Variants in NAALADL2 observed in about 807,000 individuals in gnomAD.
NAALADL2 encodes N-acetylated alpha-linked acidic dipeptidase like 2.
NAALADL2 carries 76 observed loss-of-function variants against 87.2 expected under a neutral mutation model. The ratio of observed to expected loss-of-function variants is 0.87; its 90% CI spans 0.72 to 1.05. The LOEUF (loss-of-function observed/expected upper bound fraction) is 1.05, where lower values mean the gene tolerates loss of function less well. NAALADL2 is among the 50% of genes least tolerant of loss of function. The probability of loss-of-function intolerance (pLI) is 0.00; values close to 1 mark genes in which losing one functional copy is unlikely to be tolerated. For missense variants in NAALADL2, 1,089 were observed against 945.8 expected, an observed-to-expected ratio of 1.15 and a Z score of -1.99; for synonymous variants, 354 against 331.0, an observed-to-expected ratio of 1.07 and a Z score of -0.75.
intron 2 of NAALADL2, among the ~76,000 whole-genome samples, chr3:175,174,838 A>G (rs1001042430): frequency 5.6e-4 from 42 of 74,854 alleles, no homozygotes; most frequent in Non-Finnish European, 1.2e-3. Flanking sequence ...ACACACATGC[A>G]CACAGACACA....
chr3:175,774,614 T>C (rs1475293389), intron 13 of NAALADL2, among the ~76,000 whole-genome samples: 1 of 151,944 alleles, frequency 6.6e-6, no homozygotes, highest in African/African-American at 2.4e-5. Flanking sequence ...GGAACTCAAT[T>C]AGCTGTTAGT....
rs552180081 is a variant in NAALADL2 at position 174,564,900 on chromosome 3, T to G, written c.-115+14263T>G. Among the ~76,000 whole-genome samples the G allele has an allele frequency of 8.5e-5, 13 of 152,178 alleles. No individual in the cohort carries two copies. In the South Asian group the frequency reaches 2.7e-3, roughly 31 times the overall value. Reference sequence around the variant, plus strand: ...GTATGTTTTACATTTGTATTGAGTCTCTATAGGTGAATTTTTGGTATTAAA... The same window carrying G: ...GTATGTTTTACATTTGTATTGAGTCGCTATAGGTGAATTTTTGGTATTAAA... On this transcript the variant is annotated intron_variant, in intron 2 of 3. Transcript: ENST00000434257.
At chr3:175,377,206 G>A (rs1767237178) in intron 5 of NAALADL2, among the ~76,000 whole-genome samples, 1 of 152,000 alleles carries the variant, frequency 6.6e-6, no homozygotes, top group African/African-American at 2.4e-5. Flanking sequence ...CAGCTACTTG[G>A]GAGGCTAAGG....
At chr3:174,669,158 C>T (rs932759268) in intron 2 of NAALADL2, among the ~76,000 whole-genome samples, 2 of 152,104 alleles carry the variant, frequency 1.3e-5, no homozygotes, top group Admixed American at 1.3e-4. Context: ...ATTTTCATTT[C>T]TCTGATGGCC....
rs1000321854 is a variant in NAALADL2 at position 174,910,531 on chromosome 3, G to A, written c.43+51081G>A. 4.6e-5 allele frequency among the ~76,000 whole-genome samples: 7 copies of A among 152,130 alleles called. No individual in the cohort carries two copies. In the East Asian group the frequency reaches 1.2e-3, roughly 25 times the overall value. On this transcript the variant is annotated intron_variant, in intron 1 of 13. Coordinates refer to ENST00000454872, the MANE Select transcript of NAALADL2 (RefSeq NM_207015.3). ...AATAGTGAGTTTTATTTAGTGAATG[G>A]TGAGGTAATTTATTTGGTTTTAAAA...
intron 11 of NAALADL2, among the ~76,000 whole-genome samples, chr3:175,633,329 A>G (rs1203003262): frequency 6.6e-6 from 1 of 151,992 alleles, no homozygotes; most frequent in Non-Finnish European, 1.5e-5. Context: ...TATTTATTTT[A>G]TGTTTTTGGA....
intron 2 of NAALADL2, among the ~76,000 whole-genome samples, chr3:174,623,419 C>T (rs1233069169): frequency 5.3e-5 from 8 of 152,016 alleles, no homozygotes; most frequent in African/African-American, 1.5e-4. Flanking sequence ...TAGGAAATTT[C>T]AACTTTTTAT....
chr3:175,262,381 T>C (rs193048179), intron 4 of NAALADL2, among the ~76,000 whole-genome samples: 1 of 152,180 alleles, frequency 6.6e-6, no homozygotes, highest in East Asian at 1.9e-4. Context: ...TTGTTTTATT[T>C]ATTCTAATTA....
chr3:174,532,952 T>C (rs1306553316), intron 1 of NAALADL2, among the ~76,000 whole-genome samples: 1 of 151,790 alleles, frequency 6.6e-6, no homozygotes, highest in East Asian at 2.0e-4. Context: ...TTCTCCTTTT[T>C]GCCTTTGTTA....
intron 1 of NAALADL2, among the ~76,000 whole-genome samples, chr3:174,931,343 G>A (rs1736861631): frequency 6.6e-6 from 1 of 152,088 alleles, no homozygotes; most frequent in African/African-American, 2.4e-5. Context: ...GACCACTTGG[G>A]AACTATGTGA....
chr3:175,098,325 G>A (rs1721505872), intron 2 of NAALADL2, among the ~76,000 whole-genome samples: 1 of 152,150 alleles, frequency 6.6e-6, no homozygotes, highest in African/African-American at 2.4e-5. Context: ...ACCCAGTGAA[G>A]ATGTTGGAAA....
At position 175,791,959 on chromosome 3, in the gene NAALADL2, G is replaced by A. The variant is rs534288554; in HGVS notation, c.2190-11046G>A. 8.0e-5 allele frequency among the ~76,000 whole-genome samples: 12 copies of A among 149,614 alleles called. No homozygotes were observed. The South Asian group carries it at 1.3e-3, about 16-fold the overall frequency. Reference sequence around the variant, plus strand: ...ATTTCTACTATTTACTCACAACTTGGAAATTCTTTTCACAATTAACTTTAA... The same window carrying A: ...ATTTCTACTATTTACTCACAACTTGAAAATTCTTTTCACAATTAACTTTAA... On this transcript the variant is annotated intron_variant, in intron 13 of 13. Coordinates refer to ENST00000454872, the MANE Select transcript of NAALADL2 (RefSeq NM_207015.3).
intron 11 of NAALADL2, among the ~76,000 whole-genome samples, chr3:175,667,241 A>AAGAAAGAAAGAAAGAAAGAG (rs1182682303): frequency 1.1e-5 from 1 of 91,716 alleles, no homozygotes; most frequent in African/African-American, 5.1e-5. Context: ...GAAAGAAAGA[A>AAGAAAGAAAGAAAGAAAGAG]AAAGAAAGAA....
chr3:175,628,617 G>GTATATATATATATATATATA (rs34276529), intron 11 of NAALADL2, among the ~76,000 whole-genome samples: 12 of 139,196 alleles, frequency 8.6e-5, no homozygotes, highest in African/African-American at 2.9e-4. Context: ...CTCTCTCTAT[G>GTATATATATATATATATATA]TATATATATA....
At chr3:175,007,344 A>G (rs933224321) in intron 1 of NAALADL2, among the ~76,000 whole-genome samples, 10 of 152,254 alleles carry the variant, frequency 6.6e-5, no homozygotes, top group African/African-American at 2.2e-4. Context: ...ATTTACCAGT[A>G]GGCTATAGGA....
At chr3:175,191,347 G>T (rs551524339) in intron 2 of NAALADL2, among the ~76,000 whole-genome samples, 1 of 152,190 alleles carries the variant, frequency 6.6e-6, no homozygotes, top group Non-Finnish European at 1.5e-5. Flanking sequence ...TCAGGAATTG[G>T]TAGAAGTGTT....
At chr3:175,471,293 C>T (rs977574530) in intron 8 of NAALADL2, among the ~76,000 whole-genome samples, 5 of 151,520 alleles carry the variant, frequency 3.3e-5, no homozygotes, top group South Asian at 2.1e-4. Context: ...AGACCATCCT[C>T]GCTAACATGG....
At chr3:175,532,622 A>G (rs1163375133) in intron 9 of NAALADL2, among the ~76,000 whole-genome samples, 1 of 143,170 alleles carries the variant, frequency 7.0e-6, no homozygotes, top group East Asian at 2.1e-4. Flanking sequence ...TAATTAGCCA[A>G]TGCCAGAGCT....
At chr3:174,601,722 C>T (rs1003292615) in intron 2 of NAALADL2, among the ~76,000 whole-genome samples, 1 of 152,116 alleles carries the variant, frequency 6.6e-6, no homozygotes, top group Non-Finnish European at 1.5e-5. Flanking sequence ...GTTTTGTCCA[C>T]TCCCATGTCC....
Sources: allele counts gnomAD v4.1 joint callset (sites outside exome capture counted in the v4.1 genomes callset), GRCh38; gene constraint gnomAD v4.1.1; transcripts MANE v1.5; gene names NCBI Gene and HGNC (gene_info 2026-07-23, HGNC 2026-07-21).